SFRP2: variants seen among roughly 807,000 people sequenced by gnomAD.
SFRP2 encodes secreted frizzled-related protein 2.
A neutral mutation model predicts 26.0 loss-of-function variants in SFRP2; 16 were observed. That is an observed-to-expected ratio of 0.61 (90% CI 0.42 to 0.93). SFRP2 has a LOEUF of 0.93. SFRP2 is among the 40% of genes least tolerant of loss of function. SFRP2 has a pLI of 0.00. For synonymous variants in SFRP2, 173 were observed against 167.3 expected, an observed-to-expected ratio of 1.03 and a Z score of -0.26; for missense variants, 343 against 392.4, an observed-to-expected ratio of 0.87 and a Z score of 1.06.
chr4:153,784,166 A>T (rs2127182894), intron 2 of SFRP2, among the ~76,000 whole-genome samples: 1 of 152,348 alleles, frequency 6.6e-6, no homozygotes, highest in Admixed American at 6.5e-5. Context: ...GTCAGGAAGG[A>T]TCTGTTTTAT....
In SFRP2 at chr4:153,781,760, G is replaced by A. The variant is rs555578710; in HGVS notation, c.584-5C>T. ...CCTTCACTTTTATTTTCAGTGCTATGAGGGAGGGCAGAAAGAGTCATGCCA... is the reference window on the plus strand; with the variant it reads ...CCTTCACTTTTATTTTCAGTGCTATAAGGGAGGGCAGAAAGAGTCATGCCA... On this transcript the variant is annotated splice_region_variant and splice_polypyrimidine_tract_variant and intron_variant, in intron 2 of 2. Transcript: ENST00000274063. The A allele has an allele frequency of 1.4e-5, 22 of 1,611,092 alleles. No individual in the cohort carries two copies. The African/African-American group carries it at 2.4e-4, about 18-fold the overall frequency.
At chr4:153,786,002 G>A (rs368126790) in intron 1 of SFRP2, 58 bp from the exon 2 acceptor site, 136 of 1,090,138 alleles carry the variant, frequency 1.2e-4, no homozygotes, top group Admixed American at 1.6e-4. Flanking sequence ...AGTAGGTGGC[G>A]TTTGTAAACA....
chr4:153,782,874 AGAT>A (rs1285514044), intron 2 of SFRP2, among the ~76,000 whole-genome samples: 1 of 152,106 alleles, frequency 6.6e-6, no homozygotes, highest in Non-Finnish European at 1.5e-5. Flanking sequence ...TATTCTGTAT[AGAT>A]GATGTGTAAG....
chr4:153,781,319 G>T lies in SFRP2; in HGVS notation c.*132C>A. ...TGCTGGGGATGCAAACGTGCAAAAG[G>T]CAGGGGGAAGCTGCCCAGGCTGAGA... On this transcript the variant is annotated 3_prime_UTR_variant, in exon 3 of 3. Transcript: ENST00000274063. 1.3e-6 allele frequency: 1 copy of T among 765,230 alleles called. No individual in the cohort carries two copies. The highest frequency in any genetic ancestry group is 2.6e-5 in the East Asian group (1 of 37,968). The allele number at this position is 765,230 out of a possible 1,614,324, so 47.4% of individuals were successfully genotyped here. A position where few individuals can be genotyped will look rare whatever the true frequency, so the allele number is the denominator to read the frequency against.
In SFRP2 at chr4:153,788,661, G is replaced by T. The variant is rs768693726; in HGVS notation, c.175C>A (p.Arg59=). 1.5e-5 allele frequency: 24 copies of T among 1,614,050 alleles called. No homozygotes were observed. The highest frequency in any genetic ancestry group is 2.2e-5 in the East Asian group (1 of 44,904). ...LCHGIEYQNM[R]LPNLLGHETM... is the part of the protein sequence containing the mutation. Reference sequence around the variant, plus strand: ...TCGTGGCCCAGCAGGTTGGGCAGCCGCATGTTCTGGTATTCGATGCCGTGG... The same window carrying T: ...TCGTGGCCCAGCAGGTTGGGCAGCCTCATGTTCTGGTATTCGATGCCGTGG... The change falls in exon 1 of 3, where the codon CGG becomes AGG. Residue 59 remains arginine (R), a synonymous_variant. Coordinates refer to ENST00000274063, the MANE Select transcript of SFRP2 (RefSeq NM_003013.3).
At chr4:153,785,661 C>G (rs1434253392) in intron 2 of SFRP2, among the ~76,000 whole-genome samples, 1 of 151,090 alleles carries the variant, frequency 6.6e-6, no homozygotes, top group Non-Finnish European at 1.5e-5. Context: ...TGAGTCTCAC[C>G]TAACAAGATA....
intron 2 of SFRP2, among the ~76,000 whole-genome samples, 156 bp from the exon 3 acceptor site, chr4:153,781,911 A>C (rs1363369419): frequency 6.6e-6 from 1 of 152,110 alleles, no homozygotes; most frequent in Non-Finnish European, 1.5e-5. Context: ...GGGGGTTGGG[A>C]GCTAGGGGCA....
In SFRP2 at chr4:153,786,857, T is replaced by TAA. The variant is rs201360782; in HGVS notation, c.503-915_503-914dup. ...TAAGAGTTTGATTTCTTGGGAGAAGTAAAAAAAAAAAAAAAAGAACAATTA... is the reference window on the plus strand; with the variant it reads ...TAAGAGTTTGATTTCTTGGGAGAAGTAAAAAAAAAAAAAAAAAAGAACAATTA... On this transcript the variant is annotated intron_variant, in intron 1 of 2. Transcript: ENST00000274063. 5.2e-3 allele frequency among the ~76,000 whole-genome samples: 675 copies of TAA among 130,114 alleles called. 12 individuals carry two copies. Among genetic ancestry groups the TAA allele is most frequent in the African/African-American group, 0.017 (634 of 36,460 alleles). The allele number at this position is 130,114 out of a possible 152,430, so 85.4% of individuals were successfully genotyped here.
At position 153,781,733 on chromosome 4, in the gene SFRP2, C is replaced by A; in HGVS notation, c.606G>T (p.Glu202Asp). ...TGGTATCTCGGTTGATGTAGGTTAT[C>A]TCCTTCACTTTTATTTTCAGTGCTA... Reference protein sequence around the residue: ...NDFALKIKVKEITYINRDTKI... With the variant: ...NDFALKIKVKDITYINRDTKI... Residue 202 changes from glutamate to aspartate, a missense_variant, in exon 3 of 3, where the codon GAG becomes GAT. Glu to Asp is a conservative substitution (Grantham distance 45). This residue lies in a region of SFRP2 where 92 missense variants were observed against 139.0 expected (regional missense o/e 0.66). Coordinates refer to ENST00000274063, the MANE Select transcript of SFRP2 (RefSeq NM_003013.3). The A allele has an allele frequency of 6.2e-7, 1 of 1,613,848 alleles. No homozygotes were observed. The highest frequency in any genetic ancestry group is 8.5e-7 in the Non-Finnish European group (1 of 1,179,818).
Position 153,781,365 on chromosome 4 carries a change from CT to C in SFRP2, c.*85del. On this transcript the variant is annotated 3_prime_UTR_variant, in exon 3 of 3. Transcript: ENST00000274063. ...TGAGACTGGAGCAGCTAGGAGTGTG[CT>C]TGGGGAACGGGAGCTGAGATCCCGG... The C allele has an allele frequency of 7.8e-7, 1 of 1,287,980 alleles. No homozygotes were observed. Among genetic ancestry groups the C allele is most frequent in the Non-Finnish European group, 1.1e-6 (1 of 915,724 alleles). The allele number at this position is 1,287,980 out of a possible 1,614,324, so 79.8% of individuals were successfully genotyped here. A position where few individuals can be genotyped will look rare whatever the true frequency, so the allele number is the denominator to read the frequency against.
chr4:153,785,901 GTCA>G lies in SFRP2; in HGVS notation c.543_545del (p.Asp182del), dbSNP rs759548421. On this transcript the variant is annotated inframe_deletion, in exon 2 of 3. Transcript: ENST00000274063. ...TACAAAGCGTTTCCATTATGTCGTT[GTCA>G]TCATCATTTTTATTTTTGCAGGCTT... 5.6e-6 allele frequency: 9 copies of G among 1,603,620 alleles called. No individual in the cohort carries two copies. The Admixed American group carries it at 1.0e-4, about 18-fold the overall frequency.
chr4:153,780,651 A>G lies in SFRP2; in HGVS notation c.*800T>C, dbSNP rs560582539. On this transcript the variant is annotated 3_prime_UTR_variant, in exon 3 of 3. Coordinates refer to ENST00000274063, the MANE Select transcript of SFRP2 (RefSeq NM_003013.3). ...TATAATGTTTATCTGAAATATTTAC[A>G]GTGTTGGTTAAAGCAATATTTTTAC... 5 of 152,790 alleles carry G rather than the reference A, an allele frequency of 3.3e-5. No individual in the cohort carries two copies. In the South Asian group the frequency reaches 1.0e-3, roughly 32 times the overall value. The allele number at this position is 152,790 out of a possible 1,614,324, so 9.5% of individuals were successfully genotyped here.
chr4:153,785,554 CAAAA>C (rs369450385), intron 2 of SFRP2, among the ~76,000 whole-genome samples: 10 of 46,470 alleles, frequency 2.2e-4, no homozygotes, highest in African/African-American at 5.4e-4. Flanking sequence ...TGCCTGTCGG[CAAAA>C]AAAAAAAAAA....
rs1344946214 is a variant in SFRP2, at chr4:153,780,711, G to A, written c.*740C>T. On this transcript the variant is annotated 3_prime_UTR_variant, in exon 3 of 3. Coordinates refer to ENST00000274063, the MANE Select transcript of SFRP2 (RefSeq NM_003013.3). ...AGGTAAACTACTATGTATATTACAG[G>A]TAAGCTACAATGGGTTTAATTTGCA... 6.6e-6 allele frequency: 1 copy of A among 152,582 alleles called. No individual in the cohort carries two copies. The highest frequency in any genetic ancestry group is 2.4e-5 in the African/African-American group (1 of 41,410). 9.5% of individuals were successfully genotyped at this position (152,582 alleles called of 1,614,324 possible). A position where few individuals can be genotyped will look rare whatever the true frequency, so the allele number is the denominator to read the frequency against.
In SFRP2 at chr4:153,781,152, A is replaced by G. The variant is rs761106394; in HGVS notation, c.*299T>C. On this transcript the variant is annotated 3_prime_UTR_variant, in exon 3 of 3. Transcript: ENST00000274063. ...CCAAGTCACAGTTGCACCTATTCAAAACTAGCTTTAAAGTGAGCTATTTTT... is the reference window on the plus strand; with the variant it reads ...CCAAGTCACAGTTGCACCTATTCAAGACTAGCTTTAAAGTGAGCTATTTTT... 1.4e-5 allele frequency: 5 copies of G among 358,728 alleles called. No homozygotes were observed. Among genetic ancestry groups the G allele is most frequent in the African/African-American group, 2.0e-5 (1 of 48,872 alleles). 22.2% of individuals were successfully genotyped at this position (358,728 alleles called of 1,614,324 possible). A position where few individuals can be genotyped will look rare whatever the true frequency, so the allele number is the denominator to read the frequency against.
rs907919276 is a variant in SFRP2 at position 153,781,379 on chromosome 4, G to A, written c.*72C>T. 12 of 1,397,292 alleles carry A rather than the reference G, an allele frequency of 8.6e-6. No homozygotes were observed. Among genetic ancestry groups the A allele is most frequent in the Non-Finnish European group, 1.1e-5 (11 of 1,011,552 alleles). The allele number at this position is 1,397,292 out of a possible 1,614,324, so 86.6% of individuals were successfully genotyped here. On this transcript the variant is annotated 3_prime_UTR_variant, in exon 3 of 3. Transcript: ENST00000274063. The stretch of plus-strand genomic sequence containing the variant: ...CTAGGAGTGTGCTTGGGGAACGGGA[G>A]CTGAGATCCCGGAGCAGAAATGGTC...
Position 153,788,746 on chromosome 4 carries a change from C to A in SFRP2, c.90G>T (p.Gln30His), listed in dbSNP as rs754081413. Residue 30 changes from glutamine to histidine, a missense_variant, in exon 1 of 3, where the codon CAG becomes CAT. Around this residue, in one of 2 missense-constraint regions of SFRP2, gnomAD observed 251 missense variants for 253.3 expected, o/e 0.99. Coordinates refer to ENST00000274063, the MANE Select transcript of SFRP2 (RefSeq NM_003013.3). ...TGCTGCGCTTGTAGGAGAAGTCGGG[C>A]TGGCCAAAGAGGAAGAGCCCGCGCG... ...GSARGLFLFG[Q>H]PDFSYKRSNC... is the part of the protein sequence containing the mutation. 1 of 1,613,102 alleles carries A rather than the reference C, an allele frequency of 6.2e-7. No homozygotes were observed. The highest frequency in any genetic ancestry group is 8.5e-7 in the Non-Finnish European group (1 of 1,180,018).
chr4:153,788,104 G>A (rs559226092), intron 1 of SFRP2, among the ~76,000 whole-genome samples: 31 of 152,298 alleles, frequency 2.0e-4, no homozygotes, highest in African/African-American at 7.0e-4. Flanking sequence ...CTGCCCTTAA[G>A]TATAGCTGGT....
chr4:153,780,957 C>T lies in SFRP2; in HGVS notation c.*494G>A, dbSNP rs1741108810. The T allele has an allele frequency of 6.3e-6, 1 of 158,258 alleles. No individual in the cohort carries two copies. The highest frequency in any genetic ancestry group is 1.4e-5 in the Non-Finnish European group (1 of 71,642). The allele number at this position is 158,258 out of a possible 1,614,324, so 9.8% of individuals were successfully genotyped here. A position where few individuals can be genotyped will look rare whatever the true frequency, so the allele number is the denominator to read the frequency against. The stretch of plus-strand genomic sequence containing the variant: ...GTTGTAAGACTTAGACACTGAGTCT[C>T]AGTCTGGAGCTGATGAAGATGTTGA... On this transcript the variant is annotated 3_prime_UTR_variant, in exon 3 of 3. Coordinates refer to ENST00000274063, the MANE Select transcript of SFRP2 (RefSeq NM_003013.3).
Sources: allele counts gnomAD v4.1 joint callset (sites outside exome capture counted in the v4.1 genomes callset), GRCh38; gene constraint gnomAD v4.1.1; regional missense constraint gnomAD v4.1.1; transcripts MANE v1.5; gene names NCBI Gene and HGNC (gene_info 2026-07-23, HGNC 2026-07-21).